The following GPC5 variants were observed in gnomAD, a reference collection of about 807,000 sequenced individuals.
GPC5 encodes the protein glypican 5.
A neutral mutation model predicts 53.9 loss-of-function variants in GPC5; 47 were observed. The observed-to-expected ratio is 0.87, with a 90% CI of 0.69 to 1.11. GPC5 has a LOEUF of 1.11. Among genes scored for constraint, GPC5 ranks in the 50% most tolerant of loss-of-function variants. The pLI is 0.00. For missense variants in GPC5, 748 were observed against 713.1 expected (o/e 1.05, Z -0.56); for synonymous variants, 286 against 263.3 (o/e 1.09, Z -0.84).
intron 6 of GPC5, among the ~76,000 whole-genome samples, chr13:92,127,264 C>CATATATATATGTGT (rs1555312619): frequency 5.3e-5 from 8 of 149,936 alleles, no homozygotes; most frequent in African/African-American, 2.0e-4. Context: ...CATAGTGCCT[C>CATATATATATGTGT]ATATATATAT....
intron 5 of GPC5, among the ~76,000 whole-genome samples, chr13:91,762,490 G>C (rs1046094352): frequency 6.6e-6 from 1 of 151,586 alleles, no homozygotes; most frequent in African/African-American, 2.4e-5. Flanking sequence ...CTGAATTTCT[G>C]AATTTTATTA....
chr13:92,268,265 C>G (rs2042815986), intron 7 of GPC5, among the ~76,000 whole-genome samples: 1 of 151,912 alleles, frequency 6.6e-6, no homozygotes, highest in East Asian at 1.9e-4. Flanking sequence ...TAAAAATTCT[C>G]CCAAATATTA....
intron 7 of GPC5, among the ~76,000 whole-genome samples, chr13:92,710,438 C>CA (rs1260467215): frequency 6.6e-6 from 1 of 151,936 alleles, no homozygotes; most frequent in African/African-American, 2.4e-5. Context: ...ATCAGAATTG[C>CA]AAAAAATCTG....
chr13:92,104,296 T>C (rs2138916740), intron 6 of GPC5, among the ~76,000 whole-genome samples: 1 of 152,284 alleles, frequency 6.6e-6, no homozygotes, highest in Non-Finnish European at 1.5e-5. Flanking sequence ...GATCAAATTG[T>C]CACAAATCTT....
At chr13:92,030,940 T>C (rs1158063541) in intron 6 of GPC5, among the ~76,000 whole-genome samples, 3 of 152,222 alleles carry the variant, frequency 2.0e-5, no homozygotes, top group Admixed American at 6.5e-5. Flanking sequence ...GGGAGCCTAA[T>C]CTGTCCTGGC....
chr13:91,554,260 C>A (rs181456870), intron 2 of GPC5, among the ~76,000 whole-genome samples: 1 of 152,074 alleles, frequency 6.6e-6, no homozygotes, highest in South Asian at 2.1e-4. Flanking sequence ...CACACACACA[C>A]CCCCACACAG....
intron 6 of GPC5, among the ~76,000 whole-genome samples, chr13:92,051,641 C>G (rs1205834702): frequency 1.3e-5 from 2 of 152,184 alleles, no homozygotes; most frequent in African/African-American, 2.4e-5. Context: ...ACATTTTGAC[C>G]TTAGTGGCTT....
chr13:92,589,241 G>A (rs1183344288), intron 7 of GPC5, among the ~76,000 whole-genome samples: 1 of 152,136 alleles, frequency 6.6e-6, no homozygotes, highest in Non-Finnish European at 1.5e-5. Context: ...CCAAAACTTG[G>A]AGGAGGACTA....
At chr13:91,798,186 A>T (rs1325058463) in intron 5 of GPC5, among the ~76,000 whole-genome samples, 1 of 152,182 alleles carries the variant, frequency 6.6e-6, no homozygotes, top group Non-Finnish European at 1.5e-5. Context: ...TTTCTCTTCA[A>T]CTTTTAATTT....
intron 7 of GPC5, among the ~76,000 whole-genome samples, chr13:92,780,426 C>T (rs1328090089): frequency 6.6e-6 from 1 of 151,056 alleles, no homozygotes; most frequent in African/African-American, 2.4e-5. Context: ...TTATATTTCA[C>T]TTAATATAAT....
intron 5 of GPC5, among the ~76,000 whole-genome samples, chr13:91,774,773 CTG>C (rs2037682942): frequency 6.6e-6 from 1 of 152,178 alleles, no homozygotes; most frequent in South Asian, 2.1e-4. Flanking sequence ...GAAATCAACT[CTG>C]TGCTGCAATT....
intron 2 of GPC5, among the ~76,000 whole-genome samples, chr13:91,661,831 G>A (rs1465860148): frequency 2.0e-5 from 3 of 152,024 alleles, no homozygotes; most frequent in Non-Finnish European, 4.4e-5. Flanking sequence ...AGTGAGAGAA[G>A]CAACGAGGGG....
At chr13:92,187,833 T>C (rs1337069700) in intron 7 of GPC5, among the ~76,000 whole-genome samples, 1 of 152,240 alleles carries the variant, frequency 6.6e-6, no homozygotes, top group Non-Finnish European at 1.5e-5. Flanking sequence ...CATTGTTCAG[T>C]ACAATATTCT....
intron 6 of GPC5, among the ~76,000 whole-genome samples, chr13:91,967,120 C>T (rs529702351): frequency 7.9e-5 from 12 of 152,248 alleles, no homozygotes; most frequent in South Asian, 2.1e-4. Flanking sequence ...AGGTGAAAGC[C>T]GTGTCTTACA....
At chr13:92,760,742 A>ATATT (rs1459081393) in intron 7 of GPC5, among the ~76,000 whole-genome samples, 1 of 151,616 alleles carries the variant, frequency 6.6e-6, no homozygotes. Context: ...TTGAGGTGTA[A>ATATT]TATTAAACTA....
At chr13:91,783,277 T>A (rs2037827012) in intron 5 of GPC5, among the ~76,000 whole-genome samples, 1 of 151,762 alleles carries the variant, frequency 6.6e-6, no homozygotes, top group South Asian at 2.1e-4. Flanking sequence ...AATAAATAAA[T>A]AAATACAATT....
At chr13:91,662,817 C>T (rs1026831685) in intron 2 of GPC5, among the ~76,000 whole-genome samples, 5 of 152,188 alleles carry the variant, frequency 3.3e-5, no homozygotes, top group African/African-American at 9.7e-5. Flanking sequence ...CTGGCACTCT[C>T]TCCAAAACAT....
chr13:91,951,694 G>A (rs887991192), intron 6 of GPC5, among the ~76,000 whole-genome samples: 1 of 152,076 alleles, frequency 6.6e-6, no homozygotes, highest in African/African-American at 2.4e-5. Context: ...GAGACCATAT[G>A]GTTGACTACA....
intron 2 of GPC5, among the ~76,000 whole-genome samples, chr13:91,571,908 A>G (rs796269848): frequency 0.048 from 2,732 of 57,416 alleles, 387 homozygotes; most frequent in African/African-American, 0.079. Context: ...CACATATTGT[A>G]TATATACACA....
Sources: allele counts gnomAD v4.1 joint callset (sites outside exome capture counted in the v4.1 genomes callset), GRCh38; gene constraint gnomAD v4.1.1; transcripts MANE v1.5; gene names NCBI Gene and HGNC (gene_info 2026-07-23, HGNC 2026-07-21).